Variants in MTUS2 observed in about 807,000 individuals in gnomAD.
MTUS2 encodes the protein microtubule associated scaffold protein 2.
Under a neutral mutation model 114.1 loss-of-function variants are expected in MTUS2, and 40 were observed. The observed-to-expected ratio is 0.35, with a 90% CI of 0.27 to 0.46. The LOEUF is 0.46. Ranked by LOEUF, MTUS2 falls within the 20% of genes least tolerant of loss-of-function variation. MTUS2 has a pLI of 1.00. For synonymous variants in MTUS2, 688 were observed against 672.0 expected (o/e 1.02, Z -0.37); for missense variants, 1,679 against 1,705.4 (o/e 0.98, Z 0.27).
chr13:29,097,250 A>G (rs1890216115), intron 4 of MTUS2, among the ~76,000 whole-genome samples: 1 of 152,138 alleles, frequency 6.6e-6, no homozygotes, highest in Admixed American at 6.5e-5. Flanking sequence ...TTTCTTATAT[A>G]AATGTTTCTT....
At chr13:28,955,150 A>C (rs1721575808) in intron 2 of MTUS2, among the ~76,000 whole-genome samples, 1 of 152,124 alleles carries the variant, frequency 6.6e-6, no homozygotes, top group African/African-American at 2.4e-5. Flanking sequence ...CTAACCTATG[A>C]CACTGTCTTT....
intron 2 of MTUS2, among the ~76,000 whole-genome samples, chr13:28,994,507 A>G (rs1023994265): frequency 7.9e-5 from 12 of 152,344 alleles, no homozygotes; most frequent in East Asian, 1.9e-4. Flanking sequence ...ACTAGTTTAC[A>G]GTCCCACCAA....
chr13:29,480,295 G>A lies in MTUS2; in HGVS notation c.3330G>A (p.Ala1110=), dbSNP rs367988642. 49 of 1,555,744 alleles carry A rather than the reference G, an allele frequency of 3.1e-5. No homozygotes were observed. Among genetic ancestry groups the A allele is most frequent in the African/African-American group, 1.5e-4 (11 of 73,476 alleles). ...AGCGGCTGCAGCTGCAATTCGAGGC[G>A]GAAATGGCGCGCCTGCAGGAGGAGC... ...LEERLQLQFE[A]EMARLQEEHG... Residue 1110 remains alanine (A), a synonymous_variant, in exon 10 of 16, where the codon GCG becomes GCA. Transcript: ENST00000612955. The surrounding 1 kb of genome is among the most constrained non-coding windows in gnomAD (Gnocchi z 4.4).
intron 2 of MTUS2, among the ~76,000 whole-genome samples, chr13:28,865,256 C>T (rs572429501): frequency 6.6e-6 from 1 of 152,230 alleles, no homozygotes; most frequent in South Asian, 2.1e-4. Context: ...CTAATAAGCA[C>T]TGTTAAAGAT....
At chr13:29,347,460 C>T (rs2138156351) in intron 7 of MTUS2, among the ~76,000 whole-genome samples, 1 of 152,134 alleles carries the variant, frequency 6.6e-6, no homozygotes, top group South Asian at 2.1e-4. Flanking sequence ...ATTTGGGGAC[C>T]TCTCAAGGAC....
At chr13:29,327,251 A>G (rs1227920681) in intron 7 of MTUS2, among the ~76,000 whole-genome samples, 1 of 152,228 alleles carries the variant, frequency 6.6e-6, no homozygotes, top group Non-Finnish European at 1.5e-5. Flanking sequence ...ATGAACAAAT[A>G]CTAAACTACC....
intron 5 of MTUS2, among the ~76,000 whole-genome samples, chr13:29,165,956 C>T (rs373431707): frequency 5.3e-5 from 8 of 152,076 alleles, no homozygotes; most frequent in East Asian, 3.9e-4. Flanking sequence ...AGGTTATGGA[C>T]GAGGCTAGGG....
Position 29,503,755 on chromosome 13 carries a change from A to G in MTUS2, c.*549A>G, listed in dbSNP as rs972512203. 1.8e-5 allele frequency: 4 copies of G among 228,056 alleles called. No individual in the cohort carries two copies. The highest frequency in any genetic ancestry group is 3.5e-5 in the Non-Finnish European group (4 of 115,686). The allele number at this position is 228,056 out of a possible 1,614,324, so 14.1% of individuals were successfully genotyped here. A position where few individuals can be genotyped will look rare whatever the true frequency, so the allele number is the denominator to read the frequency against. ...AAATAGAAAAAGGAAAAAAAAAAAG[A>G]TACAGAGAAGAAGCGCCTTTCAACT... On this transcript the variant is annotated 3_prime_UTR_variant, in exon 16 of 16. Coordinates refer to ENST00000612955, the MANE Select transcript of MTUS2 (RefSeq NM_001033602.4).
At chr13:29,501,706 C>T (rs1882914149) in intron 15 of MTUS2, among the ~76,000 whole-genome samples, 1 of 152,254 alleles carries the variant, frequency 6.6e-6, no homozygotes, top group African/African-American at 2.4e-5. Context: ...CCCATGAGGG[C>T]TGAGCCATAT....
intron 5 of MTUS2, among the ~76,000 whole-genome samples, chr13:29,277,850 C>A (rs920777097): frequency 6.6e-5 from 10 of 152,174 alleles, no homozygotes; most frequent in African/African-American, 1.9e-4. Flanking sequence ...GGCAAAAGCT[C>A]AAGATGAAGA....
chr13:28,835,551 G>A (rs966963250), intron 1 of MTUS2, among the ~76,000 whole-genome samples: 1 of 152,148 alleles, frequency 6.6e-6, no homozygotes, highest in Non-Finnish European at 1.5e-5. Context: ...GGGGGGTGAT[G>A]AAAATGTTCT....
intron 6 of MTUS2, among the ~76,000 whole-genome samples, chr13:29,296,813 G>A (rs1284517369): frequency 6.6e-6 from 1 of 152,048 alleles, no homozygotes; most frequent in Admixed American, 6.6e-5. Context: ...TTACTGTTGA[G>A]TTGTTTAAGT....
chr13:29,450,494 C>T (rs761117758), intron 9 of MTUS2, among the ~76,000 whole-genome samples: 6 of 152,126 alleles, frequency 3.9e-5, no homozygotes, highest in Non-Finnish European at 7.3e-5. Flanking sequence ...TTTCCTCTCT[C>T]GCCCAGCTTT....
chr13:29,271,946 T>C (rs1897896066), intron 5 of MTUS2, among the ~76,000 whole-genome samples: 1 of 152,180 alleles, frequency 6.6e-6, no homozygotes. Context: ...AACTTTCCCC[T>C]CACTCTTAGT....
chr13:29,044,996 CT>C (rs1157536401), intron 4 of MTUS2, among the ~76,000 whole-genome samples: 1 of 152,184 alleles, frequency 6.6e-6, no homozygotes, highest in Non-Finnish European at 1.5e-5. Flanking sequence ...CCCCCTTTAT[CT>C]TCAAAGCAGT....
chr13:28,868,244 A>G (rs1322850600), intron 2 of MTUS2, among the ~76,000 whole-genome samples: 1 of 152,188 alleles, frequency 6.6e-6, no homozygotes, highest in East Asian at 1.9e-4. Context: ...ATTACCTTAT[A>G]ATAGTGTTAT....
intron 3 of MTUS2, among the ~76,000 whole-genome samples, chr13:29,030,571 C>T (rs1886769534): frequency 6.6e-6 from 1 of 152,160 alleles, no homozygotes; most frequent in Non-Finnish European, 1.5e-5. Context: ...GAGTCCCCCT[C>T]TTGTGTTTGA....
chr13:29,383,244 G>GTATATATATATATATATT (rs1295576309), intron 8 of MTUS2, among the ~76,000 whole-genome samples: 11 of 53,528 alleles, frequency 2.1e-4, no homozygotes, highest in South Asian at 6.8e-4. Flanking sequence ...GTGTGTGTGT[G>GTATATATATATATATATT]TGTGTGTGTA....
At chr13:29,331,771 A>G (rs1212570119) in intron 7 of MTUS2, among the ~76,000 whole-genome samples, 3 of 152,150 alleles carry the variant, frequency 2.0e-5, no homozygotes, top group Non-Finnish European at 4.4e-5. Context: ...AGCATGAAGC[A>G]CTGTTGAATT....
Sources: gnomAD v4.1 joint callset for allele counts (sites outside exome capture counted in the v4.1 genomes callset) on GRCh38, gnomAD v4.1.1 for gene constraint, Gnocchi (gnomAD v3.1) non-coding constraint, MANE v1.5 for transcripts, NCBI Gene and HGNC (gene_info 2026-07-23, HGNC 2026-07-21) for gene names.